ROBO1: variants seen among roughly 807,000 people sequenced by gnomAD.
ROBO1 encodes roundabout homolog 1.
Under a neutral mutation model 195.9 loss-of-function variants are expected in ROBO1, and 149 were observed. The ratio of observed to expected loss-of-function variants is 0.76; its 90% CI spans 0.67 to 0.87. The LOEUF (loss-of-function observed/expected upper bound fraction) is 0.87. ROBO1 is among the 40% of genes least tolerant of loss of function. The probability of loss-of-function intolerance (pLI) is 0.00; values close to 1 mark genes in which losing one functional copy is unlikely to be tolerated. For missense variants in ROBO1, 1,933 were observed against 2,068.3 expected, an observed-to-expected ratio of 0.93 and a Z score of 1.27; for synonymous variants, 816 against 733.2, an observed-to-expected ratio of 1.11 and a Z score of -1.82.
intron 10 of ROBO1, among the ~76,000 whole-genome samples, chr3:78,671,710 G>T (rs1191094383): frequency 6.6e-6 from 1 of 152,016 alleles, no homozygotes; most frequent in Non-Finnish European, 1.5e-5. Flanking sequence ...GGTGAAATTT[G>T]CAATATCAAG....
chr3:79,056,033 A>G (rs532823139), intron 3 of ROBO1, among the ~76,000 whole-genome samples: 16 of 152,284 alleles, frequency 1.1e-4, no homozygotes, highest in Admixed American at 4.6e-4. Context: ...CCATTAATGC[A>G]GTAATTAAAC....
intron 3 of ROBO1, among the ~76,000 whole-genome samples, chr3:79,087,976 G>A (rs983081690): frequency 6.6e-6 from 1 of 151,996 alleles, no homozygotes; most frequent in Admixed American, 6.6e-5. Context: ...TATTTACTTC[G>A]ATTGTTGGTG....
chr3:79,337,780 G>A (rs1356958456), intron 2 of ROBO1, among the ~76,000 whole-genome samples: 1 of 152,108 alleles, frequency 6.6e-6, no homozygotes, highest in Non-Finnish European at 1.5e-5. Flanking sequence ...AATATGTGCT[G>A]CAACTTGTTC....
intron 5 of ROBO1, among the ~76,000 whole-genome samples, chr3:78,733,814 A>G (rs1302032458): frequency 1.3e-5 from 2 of 152,182 alleles, no homozygotes; most frequent in African/African-American, 4.8e-5. Flanking sequence ...GCCTGATCAG[A>G]TATATCAAAG....
chr3:78,967,524 C>A (rs940147609), intron 3 of ROBO1, among the ~76,000 whole-genome samples: 1 of 152,158 alleles, frequency 6.6e-6, no homozygotes, highest in Admixed American at 6.5e-5. Context: ...AAACTGGGCA[C>A]TGAAGTCTTC....
At chr3:79,725,289 C>G (rs907610092) in intron 1 of ROBO1, among the ~76,000 whole-genome samples, 20 of 142,094 alleles carry the variant, frequency 1.4e-4, no homozygotes, top group Non-Finnish European at 2.4e-4. Flanking sequence ...TGCAGTGGCG[C>G]GATCTCGGCT....
chr3:79,501,699 A>G (rs1356073169), intron 2 of ROBO1, among the ~76,000 whole-genome samples: 1 of 152,232 alleles, frequency 6.6e-6, no homozygotes, highest in Admixed American at 6.5e-5. Context: ...TTATTTTTGA[A>G]GTTAGGCAAG....
chr3:78,951,098 A>T (rs2040754629), intron 3 of ROBO1, among the ~76,000 whole-genome samples: 1 of 150,474 alleles, frequency 6.6e-6, no homozygotes, highest in African/African-American at 2.5e-5. Flanking sequence ...TATAACTCTG[A>T]CTCACTTTCT....
chr3:79,502,194 G>C (rs1039271370), intron 2 of ROBO1, among the ~76,000 whole-genome samples: 1 of 152,200 alleles, frequency 6.6e-6, no homozygotes, highest in Non-Finnish European at 1.5e-5. Flanking sequence ...TGCACTGTGG[G>C]AGCCCCTTTC....
At chr3:79,550,805 G>T (rs1942481914) in intron 2 of ROBO1, among the ~76,000 whole-genome samples, 1 of 152,178 alleles carries the variant, frequency 6.6e-6, no homozygotes, top group Non-Finnish European at 1.5e-5. Flanking sequence ...CTGGAATTTG[G>T]AGATGTTGTG....
chr3:79,054,051 G>A (rs1038579602), intron 3 of ROBO1, among the ~76,000 whole-genome samples: 2 of 152,096 alleles, frequency 1.3e-5, no homozygotes, highest in Admixed American at 1.3e-4. Context: ...GGCAAAAGCT[G>A]TTCTAACCCC....
At chr3:79,233,434 C>T (rs796850512) in intron 2 of ROBO1, among the ~76,000 whole-genome samples, 130 of 152,128 alleles carry the variant, frequency 8.5e-4, no homozygotes, top group African/African-American at 2.9e-3. Context: ...CATTCAGTTA[C>T]AATGTATAGA....
chr3:79,595,538 T>C (rs1371041494), intron 1 of ROBO1, among the ~76,000 whole-genome samples: 1 of 151,860 alleles, frequency 6.6e-6, no homozygotes, highest in Non-Finnish European at 1.5e-5. Flanking sequence ...GGTTTTCCTT[T>C]AAGTCACCCT....
At chr3:79,192,466 T>C (rs1207285187) in intron 2 of ROBO1, among the ~76,000 whole-genome samples, 1 of 151,720 alleles carries the variant, frequency 6.6e-6, no homozygotes, top group Non-Finnish European at 1.5e-5. Context: ...TTTAGATTGA[T>C]GAAGAATTCA....
At chr3:79,150,804 CCCA>C (rs2080752546) in intron 2 of ROBO1, among the ~76,000 whole-genome samples, 1 of 151,760 alleles carries the variant, frequency 6.6e-6, no homozygotes, top group African/African-American at 2.4e-5. Flanking sequence ...GACTTCCATG[CCCA>C]CCACCAATAC....
chr3:79,022,333 G>C (rs1441615495), intron 3 of ROBO1, among the ~76,000 whole-genome samples: 1 of 152,052 alleles, frequency 6.6e-6, no homozygotes, highest in Non-Finnish European at 1.5e-5. Flanking sequence ...TAGGCTTTTA[G>C]AACTCCTACT....
intron 29 of ROBO1, among the ~76,000 whole-genome samples, chr3:78,601,447 T>C (rs559808208): frequency 2.6e-5 from 4 of 152,288 alleles, no homozygotes; most frequent in Admixed American, 6.5e-5. Context: ...TTCTGACACA[T>C]AGGAGTTTCA....
chr3:79,643,059 G>A (rs990610461), intron 1 of ROBO1, among the ~76,000 whole-genome samples: 1 of 152,068 alleles, frequency 6.6e-6, no homozygotes, highest in Non-Finnish European at 1.5e-5. Flanking sequence ...CTCACTATGT[G>A]GGCATCATCT....
chr3:78,698,859 T>C (rs1298259561), intron 8 of ROBO1, among the ~76,000 whole-genome samples: 4 of 152,182 alleles, frequency 2.6e-5, no homozygotes, highest in Admixed American at 2.6e-4. Flanking sequence ...TATTCTTCCT[T>C]TCTAAAAATA....
Sources: gnomAD v4.1 joint callset for allele counts (sites outside exome capture counted in the v4.1 genomes callset) on GRCh38, gnomAD v4.1.1 for gene constraint, MANE v1.5 for transcripts, NCBI Gene and HGNC (gene_info 2026-07-23, HGNC 2026-07-21) for gene names.